Variants in LAMA3 observed in about 807,000 individuals in gnomAD.
LAMA3 encodes the protein laminin subunit alpha-3.
In LAMA3, 281 loss-of-function variants were observed where a neutral mutation model predicts 402.0. The observed-to-expected ratio is 0.70, with a 90% CI of 0.63 to 0.77. The LOEUF (loss-of-function observed/expected upper bound fraction) is 0.77. Among genes scored for constraint, LAMA3 ranks in the 30% least tolerant of loss-of-function variants. The pLI is 0.00. For missense variants in LAMA3, 3,840 were observed against 4,215.5 expected (o/e 0.91, Z 2.47); for synonymous variants, 1,431 against 1,558.4 (o/e 0.92, Z 1.93).
chr18:23,893,964 T>C lies in LAMA3; in HGVS notation c.5411-334T>C, dbSNP rs556135270. Among the ~76,000 whole-genome samples the C allele has an allele frequency of 2.0e-5, 3 of 152,266 alleles. No individual in the cohort carries two copies. The South Asian group carries it at 6.2e-4, about 32-fold the overall frequency. On this transcript the variant is annotated intron_variant, in intron 42 of 74. Transcript: ENST00000313654. ...AAGAAAACATGGCCCTTTATAGAGT[T>C]GACCTTTGTAGTGAAGGAATTGAAT...
chr18:23,908,586 A>C (rs1243000703), intron 54 of LAMA3, among the ~76,000 whole-genome samples: 1 of 151,294 alleles, frequency 6.6e-6, no homozygotes, highest in Admixed American at 6.6e-5. Flanking sequence ...CAGAAAACAA[A>C]GGTTTTTTTT....
intron 2 of LAMA3, among the ~76,000 whole-genome samples, chr18:23,732,266 G>C (rs1301404369): frequency 1.3e-5 from 2 of 152,190 alleles, no homozygotes; most frequent in Non-Finnish European, 2.9e-5. Context: ...TGAGGCAAAG[G>C]CTGGGGCTAG....
At position 23,820,053 on chromosome 18, in the gene LAMA3, AC is replaced by A. The variant is rs1172248299; in HGVS notation, c.2304+58del. The A allele has an allele frequency of 5.7e-6, 9 of 1,580,898 alleles. No homozygotes were observed. In the East Asian group the frequency reaches 1.6e-4, roughly 28 times the overall value. On this transcript the variant is annotated intron_variant, in intron 19 of 74. Transcript: ENST00000313654. ...CTGAGTAGCTCAGATACTTCCCCAC[AC>A]CAGTCTCAGGGAGCCCCCTGAAAGG... is the stretch of plus-strand genomic sequence containing the variant.
Position 23,894,977 on chromosome 18 carries a change from G to C in LAMA3, c.5532G>C (p.Lys1844Asn), listed in dbSNP as rs1568310403. 1 of 1,613,932 alleles carries C rather than the reference G, an allele frequency of 6.2e-7. No homozygotes were observed. The highest frequency in any genetic ancestry group is 8.5e-7 in the Non-Finnish European group (1 of 1,179,968). The change falls in exon 44 of 75, where the codon AAG (lysine) becomes AAC (asparagine). Residue 1844 changes from lysine (K) to asparagine (N), a missense_variant. Coordinates refer to ENST00000313654, the MANE Select transcript of LAMA3 (RefSeq NM_198129.4). ...ATMGEQLRLV[K>N]SQLQGLSASA... is the part of the protein sequence containing the mutation. ...TGGGCGAGCAGCTCCGCCTGGTCAA[G>C]TCTCAGCTGCAGGGCCTGAGTGCCA...
intron 14 of LAMA3, 102 bp downstream of exon 14, chr18:23,813,205 C>A: frequency 1.2e-6 from 1 of 819,214 alleles, no homozygotes; most frequent in Non-Finnish European, 2.1e-6. Context: ...AAATAAGACC[C>A]AAGGCTAAAT....
chr18:23,868,440 ACT>A (rs768980897), intron 37 of LAMA3, among the ~76,000 whole-genome samples: 115 of 152,114 alleles, frequency 7.6e-4, no homozygotes, highest in South Asian at 2.1e-3. Context: ...AGATGGCAAA[ACT>A]CTGTCTGCAC....
At position 23,842,387 on chromosome 18, in the gene LAMA3, C is replaced by T. The variant is rs763271617; in HGVS notation, c.3337-8C>T. 2 of 1,613,728 alleles carry T rather than the reference C, an allele frequency of 1.2e-6. No homozygotes were observed. Among genetic ancestry groups the T allele is most frequent in the South Asian group, 2.2e-5 (2 of 91,064 alleles). On this transcript the variant is annotated splice_polypyrimidine_tract_variant and splice_region_variant and intron_variant, in intron 27 of 74. Transcript: ENST00000313654. ...TTAATTTTTTTTCCTCCTCTTTTTT[C>T]CTCTTAGAATCAAGTGACCCTGAGA...
intron 62 of LAMA3, among the ~76,000 whole-genome samples, chr18:23,926,273 C>T (rs1488613612): frequency 1.3e-5 from 2 of 152,222 alleles, no homozygotes; most frequent in Non-Finnish European, 2.9e-5. Context: ...CTGTTAACTG[C>T]CTTTCTCTCC....
chr18:23,734,689 A>G (rs975822056), intron 2 of LAMA3, among the ~76,000 whole-genome samples: 2 of 152,248 alleles, frequency 1.3e-5, no homozygotes, highest in African/African-American at 4.8e-5. Context: ...CCGAACTACA[A>G]TAAAAAGATA....
chr18:23,890,011 G>T lies in LAMA3; in HGVS notation c.5304G>T (p.Arg1768Ser), dbSNP rs1358674616. The T allele has an allele frequency of 6.2e-7, 1 of 1,610,816 alleles. No homozygotes were observed. The highest frequency in any genetic ancestry group is 1.7e-5 in the Admixed American group (1 of 60,006). The change falls in exon 42 of 75, where the codon AGG becomes AGT. Residue 1768 changes from arginine to serine, a missense_variant and splice_region_variant. This residue lies in a region of LAMA3 where 2,109 missense variants were observed against 2,376.0 expected (regional missense o/e 0.89). Transcript: ENST00000313654. ...CTCCTCCTCTCTATATTTTGTGTAG[G>T]TGTGCACCGGGATATTTCGGGAATC... ...KAGYTGTQCE[R>S]CAPGYFGNPQ...
At chr18:23,772,368 T>C (rs776143690) in intron 8 of LAMA3, among the ~76,000 whole-genome samples, 16 of 152,112 alleles carry the variant, frequency 1.1e-4, no homozygotes, top group Non-Finnish European at 1.3e-4. Flanking sequence ...CACTCCCTAG[T>C]TGTGTCGTTG....
At chr18:23,766,714 C>G (rs1308123134) in intron 8 of LAMA3, among the ~76,000 whole-genome samples, 1 of 152,034 alleles carries the variant, frequency 6.6e-6, no homozygotes, top group Non-Finnish European at 1.5e-5. Context: ...TGGTGTGCAC[C>G]TGTAATCCCA....
intron 32 of LAMA3, among the ~76,000 whole-genome samples, chr18:23,853,080 A>G (rs2063982282): frequency 6.6e-6 from 1 of 152,178 alleles, no homozygotes; most frequent in South Asian, 2.1e-4. Flanking sequence ...GTCCGCAGTG[A>G]AACATGTCCA....
At position 23,920,723 on chromosome 18, in the gene LAMA3, G is replaced by C. The variant is rs549928832; in HGVS notation, c.7924-212G>C. Among the ~76,000 whole-genome samples the C allele has an allele frequency of 7.2e-5, 11 of 152,208 alleles. No individual in the cohort carries two copies. The South Asian group carries it at 2.1e-3, about 29-fold the overall frequency. On this transcript the variant is annotated intron_variant, in intron 60 of 74. Coordinates refer to ENST00000313654, the MANE Select transcript of LAMA3 (RefSeq NM_198129.4). ...TAGCATTTATTGTGTCTGTCCTGTG[G>C]GCCAACCACTGTGCGTGACATTTAA...
chr18:23,756,472 A>G (rs796563032), intron 6 of LAMA3, among the ~76,000 whole-genome samples: 1 of 137,120 alleles, frequency 7.3e-6, no homozygotes, highest in Non-Finnish European at 1.6e-5. Context: ...GCCAAAAAAA[A>G]CCCAAAAAAA....
At chr18:23,765,041 A>G (rs1479011905) in intron 8 of LAMA3, among the ~76,000 whole-genome samples, 1 of 152,240 alleles carries the variant, frequency 6.6e-6, no homozygotes, top group Non-Finnish European at 1.5e-5. Context: ...AAGAGTAAAA[A>G]TAAGCAGGAA....
chr18:23,857,823 C>T, intron 32 of LAMA3, 21 bp from the exon 33 acceptor site: 3 of 1,614,206 alleles, frequency 1.9e-6, no homozygotes, highest in Non-Finnish European at 2.5e-6. Flanking sequence ...ATGATTTTTG[C>T]TTCCTTTACT....
Position 23,866,327 on chromosome 18 carries a change from A to G in LAMA3, c.4683+1444A>G, listed in dbSNP as rs533551499. On this transcript the variant is annotated intron_variant, in intron 36 of 74. Coordinates refer to ENST00000313654, the MANE Select transcript of LAMA3 (RefSeq NM_198129.4). ...AATGCGATGTAATGATAGCTTTGGG[A>G]AAGGTTTTCTCATGTCATGTACTGT... is the stretch of plus-strand genomic sequence containing the variant. 2.7e-4 allele frequency among the ~76,000 whole-genome samples: 41 copies of G among 152,276 alleles called. No homozygotes were observed. The South Asian group carries it at 6.6e-3, about 25-fold the overall frequency.
intron 1 of LAMA3, among the ~76,000 whole-genome samples, chr18:23,700,026 A>G (rs1450974511): frequency 6.6e-6 from 1 of 152,054 alleles, no homozygotes; most frequent in African/African-American, 2.4e-5. Context: ...TTTATCACAA[A>G]CCCTTGCAGC....
Sources: gnomAD v4.1 joint callset for allele counts (sites outside exome capture counted in the v4.1 genomes callset) on GRCh38, gnomAD v4.1.1 for gene constraint, gnomAD v4.1.1 regional missense constraint, MANE v1.5 for transcripts, NCBI Gene and HGNC (gene_info 2026-07-23, HGNC 2026-07-21) for gene names.